CHN1: variants seen among roughly 807,000 people sequenced by gnomAD.
CHN1 encodes chimerin 1.
In CHN1, 37 loss-of-function variants were observed where a neutral mutation model predicts 59.5. That is an observed-to-expected ratio of 0.62 (90% CI 0.48 to 0.82). CHN1 has a LOEUF of 0.82. CHN1 is among the 40% of genes least tolerant of loss of function. CHN1 has a pLI of 0.00. For missense variants in CHN1, 469 were observed against 571.0 expected (o/e 0.82, Z 1.82); for synonymous variants, 206 against 200.4 (o/e 1.03, Z -0.24).
chr2:174,990,070 A>C (rs955981381), intron 1 of CHN1, among the ~76,000 whole-genome samples: 1 of 152,118 alleles, frequency 6.6e-6, no homozygotes, highest in Non-Finnish European at 1.5e-5. Flanking sequence ...TAAAAGAAGA[A>C]GTTTTGATTA....
At chr2:174,998,076 G>A (rs1691769026) in intron 1 of CHN1, among the ~76,000 whole-genome samples, 1 of 151,550 alleles carries the variant, frequency 6.6e-6, no homozygotes, top group Non-Finnish European at 1.5e-5. Context: ...GCCGAGATGG[G>A]TGGATCACAT....
chr2:174,917,571 G>A (rs1020195213), intron 4 of CHN1, among the ~76,000 whole-genome samples: 10 of 151,502 alleles, frequency 6.6e-5, no homozygotes, highest in Admixed American at 2.0e-4. Flanking sequence ...CCCCAAGACC[G>A]CACGTACTGA....
At chr2:174,938,483 G>A (rs1689564689) in intron 3 of CHN1, among the ~76,000 whole-genome samples, 1 of 152,046 alleles carries the variant, frequency 6.6e-6, no homozygotes. Context: ...ATAATATTAT[G>A]TATGAATTTC....
At chr2:174,873,642 C>A (rs1056216335) in intron 6 of CHN1, among the ~76,000 whole-genome samples, 4 of 152,102 alleles carry the variant, frequency 2.6e-5, no homozygotes, top group African/African-American at 9.7e-5. Context: ...TGGAGGTATC[C>A]AAAGAATTCA....
At chr2:174,880,548 G>C (rs1558964865) in intron 5 of CHN1, among the ~76,000 whole-genome samples, 1 of 152,182 alleles carries the variant, frequency 6.6e-6, no homozygotes, top group Non-Finnish European at 1.5e-5. Flanking sequence ...TAAAGGGGGA[G>C]ATTCCAAATC....
At chr2:174,872,440 T>C (rs1687437776) in intron 6 of CHN1, among the ~76,000 whole-genome samples, 1 of 152,194 alleles carries the variant, frequency 6.6e-6, no homozygotes, top group Admixed American at 6.5e-5. Context: ...GCAGGTTTAA[T>C]AAAAGTTCAC....
At chr2:174,997,977 ACT>A (rs1418308407) in intron 1 of CHN1, among the ~76,000 whole-genome samples, 1 of 137,322 alleles carries the variant, frequency 7.3e-6, no homozygotes, top group Non-Finnish European at 1.5e-5. Context: ...ACACAGTAAG[ACT>A]CTGTCTCGGG....
At chr2:174,934,607 G>A (rs1284796027) in intron 3 of CHN1, among the ~76,000 whole-genome samples, 1 of 152,166 alleles carries the variant, frequency 6.6e-6, no homozygotes, top group Non-Finnish European at 1.5e-5. Context: ...GGCAGTACAG[G>A]GAGCATTAAG....
At chr2:174,849,503 T>G (rs1686656518) in intron 6 of CHN1, among the ~76,000 whole-genome samples, 1 of 152,220 alleles carries the variant, frequency 6.6e-6, no homozygotes, top group South Asian at 2.1e-4. Flanking sequence ...ACTGCACTTC[T>G]GCATTAATTT....
chr2:174,959,202 A>G (rs1245311948), intron 1 of CHN1, among the ~76,000 whole-genome samples: 1 of 152,234 alleles, frequency 6.6e-6, no homozygotes, highest in Admixed American at 6.5e-5. Flanking sequence ...TTAGCTATAT[A>G]TACCATAAGC....
chr2:174,965,248 T>C (rs535990642), intron 1 of CHN1, among the ~76,000 whole-genome samples: 65 of 152,242 alleles, frequency 4.3e-4, no homozygotes, highest in African/African-American at 1.5e-3. Flanking sequence ...GCTATATCTA[T>C]AGAAGTTGTT....
intron 5 of CHN1, among the ~76,000 whole-genome samples, chr2:174,895,305 G>A (rs563503565): frequency 3.3e-4 from 50 of 151,902 alleles, no homozygotes; most frequent in African/African-American, 1.2e-3. Flanking sequence ...CGGATGAACC[G>A]TGAGGACATT....
intron 5 of CHN1, among the ~76,000 whole-genome samples, chr2:174,890,072 T>C (rs1225685113): frequency 6.6e-6 from 1 of 152,202 alleles, no homozygotes; most frequent in Admixed American, 6.5e-5. Flanking sequence ...AAGTCCTCCA[T>C]TATCCATAAT....
chr2:174,920,739 G>T (rs1013546968), intron 3 of CHN1, among the ~76,000 whole-genome samples: 3 of 152,184 alleles, frequency 2.0e-5, no homozygotes, highest in African/African-American at 7.2e-5. Context: ...ACCAGGGACT[G>T]GTTTTGTGGA....
chr2:174,962,408 T>C (rs1271581332), intron 1 of CHN1, among the ~76,000 whole-genome samples: 1 of 152,130 alleles, frequency 6.6e-6, no homozygotes, highest in African/African-American at 2.4e-5. Context: ...TTCAAAGTTA[T>C]CCAGGGCTAA....
chr2:174,998,419 CTCAT>C (rs1464255823), intron 1 of CHN1, among the ~76,000 whole-genome samples: 2 of 150,940 alleles, frequency 1.3e-5, no homozygotes, highest in Non-Finnish European at 2.9e-5. Context: ...AAGCCTCAGA[CTCAT>C]TCAGTTTTGA....
chr2:174,885,480 A>G (rs1687869607), intron 5 of CHN1, among the ~76,000 whole-genome samples: 1 of 152,008 alleles, frequency 6.6e-6, no homozygotes, highest in South Asian at 2.1e-4. Context: ...GACATTTGGG[A>G]GTAAATAAGT....
At chr2:174,825,637 A>C (rs1276658949) in intron 7 of CHN1, among the ~76,000 whole-genome samples, 1 of 152,206 alleles carries the variant, frequency 6.6e-6, no homozygotes, top group African/African-American at 2.4e-5. Flanking sequence ...GAACATTAAA[A>C]AATAATAAAA....
At chr2:174,934,091 T>G (rs1689429717) in intron 3 of CHN1, among the ~76,000 whole-genome samples, 1 of 151,972 alleles carries the variant, frequency 6.6e-6, no homozygotes, top group Non-Finnish European at 1.5e-5. Context: ...GGGTCAGAGG[T>G]GAGGGGATGG....
Sources: gnomAD v4.1 joint callset for allele counts (sites outside exome capture counted in the v4.1 genomes callset) on GRCh38, gnomAD v4.1.1 for gene constraint, MANE v1.5 for transcripts, NCBI Gene and HGNC (gene_info 2026-07-23, HGNC 2026-07-21) for gene names.